The following RGS7 variants were observed in gnomAD, a reference collection of about 807,000 sequenced individuals.
RGS7 encodes the protein regulator of G protein signaling 7.
In RGS7, 27 loss-of-function variants were observed where a neutral mutation model predicts 81.1. The ratio of observed to expected loss-of-function variants is 0.33; its 90% confidence interval spans 0.25 to 0.46. The LOEUF is 0.46. RGS7 is among the 20% of genes least tolerant of loss of function. The pLI is 1.00. For missense variants in RGS7, 396 were observed against 607.4 expected, an observed-to-expected ratio of 0.65 and a Z score of 3.66; for synonymous variants, 208 against 207.7, an observed-to-expected ratio of 1.00 and a Z score of -0.01.
rs1459114760 is a variant in RGS7 at position 241,355,811 on chromosome 1, G to A, written c.-35C>T. On this transcript the variant is annotated 5_prime_UTR_variant, in exon 2 of 19. Transcript: ENST00000440928. The stretch of plus-strand genomic sequence containing the variant: ...AACTTGGTCCACTCTCAAGATACAA[G>A]AATTATCAGTGTGCCCTGCAAAGGG... The A allele has an allele frequency of 6.4e-7, 1 of 1,572,720 alleles. No individual in the cohort carries two copies. The highest frequency in any genetic ancestry group is 1.7e-5 in the Admixed American group (1 of 59,974).
chr1:241,072,003 T>C (rs2062499694), intron 3 of RGS7, among the ~76,000 whole-genome samples: 1 of 151,908 alleles, frequency 6.6e-6, no homozygotes, highest in South Asian at 2.1e-4. Flanking sequence ...CTAGAGTAAG[T>C]TGGAATTATT....
intron 6 of RGS7, among the ~76,000 whole-genome samples, chr1:240,906,659 G>T (rs1188365261): frequency 6.6e-6 from 1 of 152,188 alleles, no homozygotes; most frequent in Non-Finnish European, 1.5e-5. Flanking sequence ...TATCACTGTT[G>T]CTTTTATTAT....
At chr1:241,310,473 CTG>C (rs1395896383) in intron 2 of RGS7, among the ~76,000 whole-genome samples, 1 of 98,178 alleles carries the variant, frequency 1.0e-5, no homozygotes, top group Non-Finnish European at 2.3e-5. Flanking sequence ...GTGTGTGTGT[CTG>C]TGTGTCTGTG....
intron 2 of RGS7, among the ~76,000 whole-genome samples, chr1:241,184,717 A>G (rs1255352288): frequency 1.3e-5 from 2 of 152,186 alleles, no homozygotes; most frequent in Non-Finnish European, 2.9e-5. Context: ...TTTAGGCCCC[A>G]TCCCCCAAGA....
In RGS7 at chr1:240,895,014, A is replaced by G. The variant is rs574475898; in HGVS notation, c.386-24895T>C. 1.1e-4 allele frequency among the ~76,000 whole-genome samples: 17 copies of G among 152,300 alleles called. No homozygotes were observed. The South Asian group carries it at 2.7e-3, about 24-fold the overall frequency. ...GGTGTTTGGACCATGAGGATGGAAC[A>G]GTCCGTCATGGCTTGGGGCTGTCCC... On this transcript the variant is annotated intron_variant, in intron 6 of 18. Coordinates refer to ENST00000440928, the MANE Select transcript of RGS7 (RefSeq NM_001364886.1).
intron 2 of RGS7, among the ~76,000 whole-genome samples, chr1:241,242,598 T>C (rs1258650296): frequency 1.3e-5 from 2 of 152,206 alleles, no homozygotes; most frequent in Non-Finnish European, 1.5e-5. Context: ...CCACCAGTAG[T>C]GTAGAAGGTT....
At chr1:241,331,517 T>A (rs1488691998) in intron 2 of RGS7, among the ~76,000 whole-genome samples, 2 of 152,232 alleles carry the variant, frequency 1.3e-5, no homozygotes, top group Non-Finnish European at 2.9e-5. Flanking sequence ...AGTTTCACTA[T>A]TATGTTGCTG....
chr1:241,143,006 G>A (rs1231981199), intron 2 of RGS7, among the ~76,000 whole-genome samples: 15 of 152,104 alleles, frequency 9.9e-5, no homozygotes, highest in Non-Finnish European at 2.2e-4. Flanking sequence ...TCTCAGGCAG[G>A]AGCAAAATGC....
chr1:241,236,155 C>A, intron 2 of RGS7, among the ~76,000 whole-genome samples: 1 of 145,756 alleles, frequency 6.9e-6, no homozygotes, highest in African/African-American at 2.5e-5. Flanking sequence ...TATCACTGAG[C>A]AAATGACGAC....
chr1:241,093,010 G>A (rs1445323421), intron 3 of RGS7, among the ~76,000 whole-genome samples: 1 of 152,064 alleles, frequency 6.6e-6, no homozygotes, highest in Non-Finnish European at 1.5e-5. Flanking sequence ...ATACATTATT[G>A]TTTTTAAAAA....
intron 2 of RGS7, among the ~76,000 whole-genome samples, chr1:241,218,489 A>G (rs550702541): frequency 1.3e-5 from 2 of 152,296 alleles, no homozygotes; most frequent in East Asian, 3.9e-4. Flanking sequence ...GTTGCATTTG[A>G]TATCGGGTTC....
intron 2 of RGS7, among the ~76,000 whole-genome samples, chr1:241,341,921 C>CTGG (rs2082579063): frequency 7.2e-6 from 1 of 138,120 alleles, no homozygotes; most frequent in Admixed American, 8.1e-5. Flanking sequence ...GTCACCCAGG[C>CTGG]TGGAGTGCAG....
intron 6 of RGS7, among the ~76,000 whole-genome samples, chr1:240,898,738 C>A (rs1669493166): frequency 6.6e-6 from 1 of 152,046 alleles, no homozygotes; most frequent in African/African-American, 2.4e-5. Flanking sequence ...GTGATGTGGT[C>A]CTGAGAAGAA....
intron 3 of RGS7, among the ~76,000 whole-genome samples, chr1:241,010,467 G>C (rs12403597): frequency 0.14 from 20,708 of 152,154 alleles, 1,548 homozygotes; most frequent in East Asian, 0.27. Flanking sequence ...AGTGGATCAA[G>C]AACTCTGCTC....
chr1:240,834,660 G>A (rs968028774), intron 9 of RGS7, among the ~76,000 whole-genome samples: 3 of 151,946 alleles, frequency 2.0e-5, no homozygotes, highest in Non-Finnish European at 2.9e-5. Context: ...ACAGGTGTCC[G>A]CCACCACGCC....
intron 2 of RGS7, among the ~76,000 whole-genome samples, chr1:241,354,649 A>G (rs1573816205): frequency 6.6e-6 from 1 of 152,236 alleles, no homozygotes; most frequent in East Asian, 1.9e-4. Context: ...ATAGTCTTTC[A>G]TCTTTATTCA....
intron 2 of RGS7, among the ~76,000 whole-genome samples, chr1:241,116,611 A>G (rs1259832887): frequency 6.6e-6 from 1 of 152,192 alleles, no homozygotes; most frequent in Admixed American, 6.5e-5. Flanking sequence ...TCATATACTA[A>G]TAAAGTAAAA....
At chr1:240,841,078 G>A (rs1311186775) in intron 9 of RGS7, among the ~76,000 whole-genome samples, 1 of 152,160 alleles carries the variant, frequency 6.6e-6, no homozygotes, top group Non-Finnish European at 1.5e-5. Flanking sequence ...TCTTCAGTTA[G>A]CCTTAAAAGA....
intron 2 of RGS7, among the ~76,000 whole-genome samples, chr1:241,306,911 G>C (rs4660064): frequency 1.6e-4 from 25 of 152,046 alleles, no homozygotes; most frequent in African/African-American, 5.8e-4. Context: ...TATGTGAATG[G>C]CGTCCCAGTA....
Sources: allele counts gnomAD v4.1 joint callset (sites outside exome capture counted in the v4.1 genomes callset), GRCh38; gene constraint gnomAD v4.1.1; transcripts MANE v1.5; gene names NCBI Gene and HGNC (gene_info 2026-07-23, HGNC 2026-07-21).